Variants in GET1 observed in about 807,000 individuals in gnomAD.
The protein encoded by GET1 is congenital heart disease 5 protein.
In GET1, 20 loss-of-function variants were observed where a neutral mutation model predicts 22.6. The ratio of observed to expected loss-of-function variants is 0.89; its 90% CI spans 0.62 to 1.29. GET1 has a LOEUF of 1.29. Ranked by LOEUF, GET1 falls within the 50% of genes most tolerant of loss-of-function variation. The pLI, the probability that GET1 is intolerant of heterozygous loss-of-function variation, is 0.00. For synonymous variants in GET1, 92 were observed against 83.8 expected, an observed-to-expected ratio of 1.10 and a Z score of -0.53; for missense variants, 209 against 219.9, an observed-to-expected ratio of 0.95 and a Z score of 0.31.
chr21:39,419,021 A>G, intron 1 of GET1, among the ~76,000 whole-genome samples: 1 of 152,114 alleles, frequency 6.6e-6, no homozygotes, highest in South Asian at 2.1e-4. Context: ...TCCACAGAAA[A>G]AAGGAACTCT....
At chr21:39,401,292 T>C (rs141616599), downstream of GET1, among the ~76,000 whole-genome samples, 1 of 152,278 alleles carries the variant, frequency 6.6e-6, no homozygotes, top group East Asian at 1.9e-4. Context: ...TAAGTGATCT[T>C]CTGCCTCAGC....
chr21:39,387,174 T>A (rs1401134087), intron 1 of GET1, among the ~76,000 whole-genome samples: 2 of 152,230 alleles, frequency 1.3e-5, no homozygotes, highest in Admixed American at 1.3e-4. Context: ...ATTGTGCTTA[T>A]ACATGTAATA....
At chr21:39,396,641 G>A (rs572601063) in intron 4 of GET1, among the ~76,000 whole-genome samples, 2 of 145,316 alleles carry the variant, frequency 1.4e-5, no homozygotes, top group East Asian at 2.0e-4. Flanking sequence ...AGCCGAGATC[G>A]CACCATTGCA....
chr21:39,406,004 A>C, exon 5 of GET1: 1 of 1,613,894 alleles, frequency 6.2e-7, no homozygotes, highest in Non-Finnish European at 8.5e-7. Flanking sequence ...AGGGGATGCG[A>C]CTCCTTACTT....
intron 1 of GET1, chr21:39,413,728 C>G (rs919195586): frequency 6.6e-6 from 1 of 152,178 alleles, no homozygotes; most frequent in African/African-American, 2.4e-5. Flanking sequence ...TGGATAATAG[C>G]TTTCAGATGA....
At position 39,396,973 on chromosome 21, in the gene GET1, A is replaced by G. The variant is rs772412533; in HGVS notation, c.*34A>G. ...ATGGATACAGCCGCGAGGCTAAAAA[A>G]CGGATTTCCTCTTCCTAGCTTAAAA... is the stretch of plus-strand genomic sequence containing the variant. On this transcript the variant is annotated 3_prime_UTR_variant, in exon 5 of 5. Transcript: ENST00000649170. The G allele has an allele frequency of 3.7e-6, 6 of 1,608,016 alleles. No homozygotes were observed. Among genetic ancestry groups the G allele is most frequent in the East Asian group, 2.2e-5 (1 of 44,818 alleles).
downstream of GET1, among the ~76,000 whole-genome samples, chr21:39,402,854 T>A (rs1213023360): frequency 1.4e-5 from 1 of 71,368 alleles, no homozygotes; most frequent in Non-Finnish European, 3.0e-5. Flanking sequence ...CCCAATCTCA[T>A]AATACTCAGA....
chr21:39,417,846 A>G (rs1429253223), intron 1 of GET1, among the ~76,000 whole-genome samples: 1 of 152,034 alleles, frequency 6.6e-6, no homozygotes, highest in Non-Finnish European at 1.5e-5. Context: ...GCTCACTGCA[A>G]GCTCCGCCTC....
chr21:39,396,836 C>T lies in GET1; in HGVS notation c.452-30C>T, dbSNP rs369227495. ...AGATGGGGGCAGCACTGCTGGTATGCGCTCTCATGGTGAATGTCTTTGTTT... is the reference window on the plus strand; with the variant it reads ...AGATGGGGGCAGCACTGCTGGTATGTGCTCTCATGGTGAATGTCTTTGTTT... On this transcript the variant is annotated intron_variant, in intron 4 of 4. Coordinates refer to ENST00000649170, the MANE Select transcript of GET1 (RefSeq NM_004627.6). 108 of 1,606,158 alleles carry T rather than the reference C, an allele frequency of 6.7e-5. No homozygotes were observed. The East Asian group carries it at 2.0e-3, about 29-fold the overall frequency.
At chr21:39,418,308 T>G (rs1175696324) in intron 1 of GET1, among the ~76,000 whole-genome samples, 2 of 152,196 alleles carry the variant, frequency 1.3e-5, no homozygotes, top group East Asian at 3.9e-4. Context: ...TCCTAGAGAT[T>G]ATTCCATAGT....
intron 1 of GET1, among the ~76,000 whole-genome samples, chr21:39,425,489 G>A (rs1181243756): frequency 6.6e-6 from 1 of 152,210 alleles, no homozygotes; most frequent in African/African-American, 2.4e-5. Flanking sequence ...GGCTATGGCT[G>A]AATATTAAGT....
At chr21:39,417,340 G>A (rs950331760) in intron 1 of GET1, among the ~76,000 whole-genome samples, 1 of 152,080 alleles carries the variant, frequency 6.6e-6, no homozygotes, top group Non-Finnish European at 1.5e-5. Flanking sequence ...GTACCCAGCT[G>A]CTTTTTAGTT....
At chr21:39,426,819 T>A (rs951948052) in intron 1 of GET1, among the ~76,000 whole-genome samples, 2 of 152,214 alleles carry the variant, frequency 1.3e-5, no homozygotes, top group African/African-American at 2.4e-5. Context: ...AGTACTGGAC[T>A]TTTCATTTCC....
intron 1 of GET1, among the ~76,000 whole-genome samples, chr21:39,383,664 C>T (rs1452792597): frequency 2.7e-5 from 4 of 146,036 alleles, no homozygotes; most frequent in Admixed American, 1.4e-4. Context: ...CTGCAACCTC[C>T]GCCTCCCAGG....
At chr21:39,402,950 G>A (rs1273811088) in intron 4 of GET1, among the ~76,000 whole-genome samples, 1 of 152,106 alleles carries the variant, frequency 6.6e-6, no homozygotes, top group Non-Finnish European at 1.5e-5. Flanking sequence ...GGCTTAGATT[G>A]TATTTTTATT....
At chr21:39,422,980 ATT>A (rs1198290766) in intron 1 of GET1, 2 of 1,613,142 alleles carry the variant, frequency 1.2e-6, no homozygotes, top group Non-Finnish European at 1.7e-6. Flanking sequence ...ACAGACCTGT[ATT>A]TTTTTGTCAT....
At chr21:39,402,546 G>A (rs995353248), downstream of GET1, among the ~76,000 whole-genome samples, 1 of 152,188 alleles carries the variant, frequency 6.6e-6, no homozygotes, top group African/African-American at 2.4e-5. Context: ...AGACATATTC[G>A]GCAAATGCCC....
At position 39,397,061 on chromosome 21, in the gene GET1, T is replaced by A; in HGVS notation, c.*122T>A. On this transcript the variant is annotated 3_prime_UTR_variant, in exon 5 of 5. Coordinates refer to ENST00000649170, the MANE Select transcript of GET1 (RefSeq NM_004627.6). ...TGCATAGTTTAGATTTTTTTTTTGT[T>A]GAATATGTTTGTTCTTGGACTTTAT... 1.0e-6 allele frequency: 1 copy of A among 1,000,960 alleles called. No homozygotes were observed. The highest frequency in any genetic ancestry group is 1.5e-6 in the Non-Finnish European group (1 of 679,824). The allele number at this position is 1,000,960 out of a possible 1,614,324, so 62.0% of individuals were successfully genotyped here.
At chr21:39,410,036 T>C (rs1361935121), downstream of GET1, 9 of 1,610,088 alleles carry the variant, frequency 5.6e-6, no homozygotes, top group East Asian at 6.7e-5. Flanking sequence ...CAGTGAGGAA[T>C]TTCATGATTT....
Sources: gnomAD v4.1 joint callset for allele counts (sites outside exome capture counted in the v4.1 genomes callset) on GRCh38, gnomAD v4.1.1 for gene constraint, MANE v1.5 for transcripts, NCBI Gene and HGNC (gene_info 2026-07-23, HGNC 2026-07-21) for gene names.